The following LRP2 variants were observed in gnomAD, a reference collection of about 807,000 sequenced individuals.
LRP2 encodes the protein LDL receptor related protein 2, also known as low-density lipoprotein receptor-related protein 2.
In LRP2, 172 loss-of-function variants were observed where a neutral mutation model predicts 531.0. The observed-to-expected ratio is 0.32, with a 90% CI of 0.29 to 0.37. The LOEUF (loss-of-function observed/expected upper bound fraction) is 0.37. Ranked by LOEUF, LRP2 falls within the 10% of genes least tolerant of loss-of-function variation. The pLI is 1.00. For missense variants in LRP2, 5,167 were observed against 5,868.3 expected, an observed-to-expected ratio of 0.88 and a Z score of 3.90; for synonymous variants, 1,992 against 2,027.6, an observed-to-expected ratio of 0.98 and a Z score of 0.47.
chr2:169,275,952 A>G (rs1199175597), intron 13 of LRP2, among the ~76,000 whole-genome samples: 1 of 152,098 alleles, frequency 6.6e-6, no homozygotes, highest in Admixed American at 6.6e-5. Context: ...AGTTAGACTC[A>G]TGAACAGAGT....
intron 28 of LRP2, 81 bp from the exon 29 acceptor site, chr2:169,236,149 C>T (rs1397637951): frequency 6.2e-6 from 6 of 972,034 alleles, no homozygotes; most frequent in Non-Finnish European, 8.1e-6. Context: ...AATACAACAT[C>T]CTGTTTATGC....
rs376838438 is a variant in LRP2, at chr2:169,206,169, G to A, written c.7410C>T (p.Gly2470=). The A allele has an allele frequency of 6.2e-7, 1 of 1,614,056 alleles. No individual in the cohort carries two copies. The highest frequency in any genetic ancestry group is 1.3e-5 in the African/African-American group (1 of 74,922). Residue 2470 remains glycine (G), a synonymous_variant, in exon 40 of 79, where the codon GGC becomes GGT. Transcript: ENST00000649046. ...TTCTAGTAATCCAGTCAAAGGCAAT[G>A]CCATCAGCAGTCCCTATACCTGGAC... ...VIASGIGTAD[G]IAFDWITRRI... is the part of the protein sequence containing the mutation.
chr2:169,174,250 G>T (rs1361267474), intron 55 of LRP2, 86 bp from the exon 56 acceptor site: 2 of 1,543,562 alleles, frequency 1.3e-6, no homozygotes, highest in African/African-American at 1.4e-5. Context: ...TGGATAGCAG[G>T]ATCATGATTT....
chr2:169,175,179 G>T lies in LRP2; in HGVS notation c.10768+14C>A. The T allele has an allele frequency of 6.2e-7, 1 of 1,613,716 alleles. No individual in the cohort carries two copies. Among genetic ancestry groups the T allele is most frequent in the African/African-American group, 1.3e-5 (1 of 75,008 alleles). On this transcript the variant is annotated intron_variant, in intron 55 of 78. Coordinates refer to ENST00000649046, the MANE Select transcript of LRP2 (RefSeq NM_004525.3). The stretch of plus-strand genomic sequence containing the variant: ...TAGAAGTCGGAAAAAGAGGCATAAA[G>T]CGACTCAACACACCACAAAGAAGAC...
At chr2:169,351,209 A>T (rs989182751) in intron 1 of LRP2, among the ~76,000 whole-genome samples, 1 of 152,232 alleles carries the variant, frequency 6.6e-6, no homozygotes, top group Admixed American at 6.5e-5. Context: ...ACAACATGGA[A>T]GTCATGAGTG....
intron 76 of LRP2, among the ~76,000 whole-genome samples, chr2:169,133,699 G>C (rs994095074): frequency 6.6e-6 from 1 of 152,110 alleles, no homozygotes; most frequent in African/African-American, 2.4e-5. Context: ...GTGGCGCTGG[G>C]GCTATTGATG....
intron 24 of LRP2, among the ~76,000 whole-genome samples, chr2:169,241,978 G>T (rs1366280671): frequency 4.6e-5 from 7 of 152,162 alleles, no homozygotes; most frequent in African/African-American, 1.7e-4. Flanking sequence ...GATCTCACAA[G>T]GCAACAGCAA....
intron 52 of LRP2, among the ~76,000 whole-genome samples, chr2:169,179,198 G>C (rs1226088035): frequency 6.6e-6 from 1 of 151,784 alleles, no homozygotes; most frequent in African/African-American, 2.4e-5. Context: ...GTAGAGACAG[G>C]GTTTCGTCAT....
intron 1 of LRP2, among the ~76,000 whole-genome samples, chr2:169,355,129 C>T (rs901531883): frequency 6.6e-5 from 10 of 152,198 alleles, no homozygotes; most frequent in African/African-American, 1.9e-4. Context: ...AATAAGAAAA[C>T]TTTAGGATCC....
Position 169,303,916 on chromosome 2 carries a change from A to T in LRP2, c.427+3365T>A, listed in dbSNP as rs533927790. Reference sequence around the variant, plus strand: ...CAACTATTTGTACTTAAATTTTTTTAAATAAAAAAAAACTTGATTAAAAAT... The same window carrying T: ...CAACTATTTGTACTTAAATTTTTTTTAATAAAAAAAAACTTGATTAAAAAT... On this transcript the variant is annotated intron_variant, in intron 4 of 78. Transcript: ENST00000649046. 1.6e-4 allele frequency among the ~76,000 whole-genome samples: 25 copies of T among 152,224 alleles called. No individual in the cohort carries two copies. The South Asian group carries it at 3.7e-3, about 23-fold the overall frequency.
chr2:169,160,068 T>C (rs767458239), intron 63 of LRP2, among the ~76,000 whole-genome samples: 91 of 152,202 alleles, frequency 6.0e-4, no homozygotes, highest in Non-Finnish European at 1.0e-3. Context: ...GCACTCTATT[T>C]ATAAAAGAAA....
intron 3 of LRP2, among the ~76,000 whole-genome samples, chr2:169,308,835 A>T (rs1312104330): frequency 6.6e-5 from 10 of 152,196 alleles, no homozygotes; most frequent in Non-Finnish European, 1.2e-4. Flanking sequence ...TTACAGTCCC[A>T]CCAACAGTGT....
intron 40 of LRP2, 56 bp from the exon 41 acceptor site, chr2:169,205,693 A>T: frequency 2.6e-6 from 3 of 1,133,986 alleles, no homozygotes; most frequent in Admixed American, 2.1e-5. Flanking sequence ...TAGTCCTTTA[A>T]AAAAAAAAAA....
At chr2:169,170,206 G>A (rs1307262708) in intron 59 of LRP2, among the ~76,000 whole-genome samples, 1 of 152,154 alleles carries the variant, frequency 6.6e-6, no homozygotes, top group Non-Finnish European at 1.5e-5. Context: ...AGTCATAGGA[G>A]CACATGCATA....
intron 16 of LRP2, among the ~76,000 whole-genome samples, chr2:169,266,336 CA>C (rs1690798690): frequency 6.6e-6 from 1 of 151,778 alleles, no homozygotes; most frequent in South Asian, 2.1e-4. Flanking sequence ...AAGAAATAGT[CA>C]AAAGAGCTGT....
chr2:169,202,017 T>C (rs1688219979), intron 43 of LRP2, 147 bp from the exon 44 acceptor site: 3 of 960,870 alleles, frequency 3.1e-6, no homozygotes, highest in African/African-American at 3.3e-5. Context: ...CAAAGTGAGA[T>C]AACACTTTTA....
intron 16 of LRP2, among the ~76,000 whole-genome samples, chr2:169,267,791 C>T (rs182194212): frequency 2.0e-5 from 3 of 152,070 alleles, no homozygotes; most frequent in Admixed American, 1.3e-4. Flanking sequence ...CACAAAAAAC[C>T]CTTCAAAAAA....
At chr2:169,157,594 A>G (rs763741143) in intron 63 of LRP2, 92 bp from the exon 64 acceptor site, 16 of 1,430,210 alleles carry the variant, frequency 1.1e-5, no homozygotes, top group Non-Finnish European at 1.6e-5. Context: ...GTAACCAACT[A>G]TAGGACATCT....
chr2:169,300,127 C>T (rs1684251497), intron 4 of LRP2, among the ~76,000 whole-genome samples: 1 of 151,956 alleles, frequency 6.6e-6, no homozygotes, highest in African/African-American at 2.4e-5. Context: ...TCAATCCATA[C>T]AAAAATAATT....
Sources: gnomAD v4.1 joint callset for allele counts (sites outside exome capture counted in the v4.1 genomes callset) on GRCh38, gnomAD v4.1.1 for gene constraint, MANE v1.5 for transcripts, NCBI Gene and HGNC (gene_info 2026-07-23, HGNC 2026-07-21) for gene names.